The following ZNF385B variants were observed in gnomAD, a reference collection of about 807,000 sequenced individuals.
ZNF385B encodes zinc finger protein 385B.
ZNF385B carries 23 observed loss-of-function variants against 39.2 expected under a neutral mutation model. That is an observed-to-expected ratio of 0.59 (90% CI 0.42 to 0.83). ZNF385B has a LOEUF of 0.83. ZNF385B is among the 40% of genes least tolerant of loss of function. The pLI is 0.00. For synonymous variants in ZNF385B, 205 were observed against 222.6 expected (o/e 0.92, Z 0.70); for missense variants, 552 against 598.9 (o/e 0.92, Z 0.82).
chr2:179,795,497 C>T (rs1705603653), intron 1 of ZNF385B, among the ~76,000 whole-genome samples: 1 of 152,088 alleles, frequency 6.6e-6, no homozygotes, highest in South Asian at 2.1e-4. Flanking sequence ...CATTATAAAT[C>T]ATTTTTATAT....
chr2:179,487,419 T>C (rs889422073), intron 5 of ZNF385B, among the ~76,000 whole-genome samples: 3 of 152,250 alleles, frequency 2.0e-5, no homozygotes, highest in Non-Finnish European at 4.4e-5. Context: ...AGTGGCACTT[T>C]GCTATCCCTA....
intron 3 of ZNF385B, among the ~76,000 whole-genome samples, chr2:179,672,868 G>A (rs879403444): frequency 2.0e-5 from 3 of 152,128 alleles, no homozygotes; most frequent in Non-Finnish European, 2.9e-5. Context: ...TAGCCAAAAT[G>A]AACTAAGACA....
At chr2:179,785,680 G>A (rs1704954077) in intron 1 of ZNF385B, among the ~76,000 whole-genome samples, 2 of 152,116 alleles carry the variant, frequency 1.3e-5, no homozygotes, top group African/African-American at 4.8e-5. Context: ...AGTGGAGGCT[G>A]AAAATGTGAC....
chr2:179,521,495 C>T (rs921876329), intron 4 of ZNF385B, among the ~76,000 whole-genome samples: 7 of 151,684 alleles, frequency 4.6e-5, no homozygotes, highest in Non-Finnish European at 7.4e-5. Flanking sequence ...CCATTGTGCC[C>T]GGCCCCTAAT....
At chr2:179,734,169 C>T (rs1179542808) in intron 3 of ZNF385B, among the ~76,000 whole-genome samples, 1 of 151,946 alleles carries the variant, frequency 6.6e-6, no homozygotes, top group South Asian at 2.1e-4. Context: ...AGTATTTTTT[C>T]CTGTATTTTT....
chr2:179,732,749 T>G (rs1330866034), intron 3 of ZNF385B, among the ~76,000 whole-genome samples: 3 of 152,160 alleles, frequency 2.0e-5, no homozygotes, highest in Admixed American at 6.5e-5. Flanking sequence ...ACCCCAAAGG[T>G]AAGATCACCC....
chr2:179,797,169 A>G (rs1486998426), intron 1 of ZNF385B, among the ~76,000 whole-genome samples: 1 of 152,162 alleles, frequency 6.6e-6, no homozygotes, highest in African/African-American at 2.4e-5. Context: ...GTACACTTTT[A>G]TTTAAAATCT....
At chr2:179,578,667 T>C (rs868801528) in intron 3 of ZNF385B, among the ~76,000 whole-genome samples, 1 of 152,234 alleles carries the variant, frequency 6.6e-6, no homozygotes, top group South Asian at 2.1e-4. Context: ...ATCACTTCCA[T>C]CCATACCTAG....
At chr2:179,511,585 G>C (rs1346033940) in intron 5 of ZNF385B, among the ~76,000 whole-genome samples, 2 of 152,142 alleles carry the variant, frequency 1.3e-5, no homozygotes, top group African/African-American at 4.8e-5. Context: ...GGAATTGAGG[G>C]AGGTCATTGA....
At chr2:179,810,471 AT>A (rs1418620568) in intron 1 of ZNF385B, among the ~76,000 whole-genome samples, 1 of 151,790 alleles carries the variant, frequency 6.6e-6, no homozygotes, top group East Asian at 1.9e-4. Context: ...TGACACAAAT[AT>A]ATATACAAAA....
chr2:179,783,645 A>T (rs999072775), intron 1 of ZNF385B, among the ~76,000 whole-genome samples: 3 of 152,138 alleles, frequency 2.0e-5, no homozygotes, highest in African/African-American at 7.2e-5. Flanking sequence ...AGAGAAAAAC[A>T]ACTCCATTAA....
chr2:179,600,856 C>G (rs540835378), intron 3 of ZNF385B, among the ~76,000 whole-genome samples: 25 of 152,156 alleles, frequency 1.6e-4, no homozygotes, highest in Non-Finnish European at 2.1e-4. Flanking sequence ...TTATATTACT[C>G]TAGTAGAAAG....
At chr2:179,824,954 G>A (rs573171305) in intron 1 of ZNF385B, among the ~76,000 whole-genome samples, 51 of 152,036 alleles carry the variant, frequency 3.4e-4, no homozygotes, top group Middle Eastern at 3.4e-3. Flanking sequence ...TCAAATAAAA[G>A]TGAAGTTAAA....
chr2:179,615,289 G>GTAGAA (rs1689639754), intron 3 of ZNF385B, among the ~76,000 whole-genome samples: 1 of 152,192 alleles, frequency 6.6e-6, no homozygotes, highest in African/African-American at 2.4e-5. Flanking sequence ...GATAAGAAGA[G>GTAGAA]TTTCTACCAG....
At chr2:179,734,341 T>C (rs546524022) in intron 3 of ZNF385B, among the ~76,000 whole-genome samples, 2 of 152,334 alleles carry the variant, frequency 1.3e-5, no homozygotes, top group African/African-American at 4.8e-5. Flanking sequence ...CTTTTAAGTT[T>C]TAATAGTTAT....
intron 1 of ZNF385B, among the ~76,000 whole-genome samples, chr2:179,856,442 A>G (rs965806494): frequency 1.3e-5 from 2 of 152,102 alleles, no homozygotes; most frequent in African/African-American, 4.8e-5. Context: ...GTGATACAGG[A>G]GCCCAGAAAA....
chr2:179,685,195 T>C lies in ZNF385B; in HGVS notation c.298+84308A>G, dbSNP rs374898521. Among the ~76,000 whole-genome samples the C allele has an allele frequency of 3.3e-5, 5 of 152,350 alleles. No homozygotes were observed. The East Asian group carries it at 9.6e-4, about 29-fold the overall frequency. On this transcript the variant is annotated intron_variant, in intron 3 of 9. Coordinates refer to ENST00000410066, the MANE Select transcript of ZNF385B (RefSeq NM_152520.6). The stretch of plus-strand genomic sequence containing the variant: ...GTGGCTGAATTAAATTTTCTTCATT[T>C]AACAAGTATCACTTTTTTTCTTTCG...
chr2:179,469,548 C>T (rs1389900745), intron 6 of ZNF385B, among the ~76,000 whole-genome samples: 1 of 152,026 alleles, frequency 6.6e-6, no homozygotes, highest in Non-Finnish European at 1.5e-5. Flanking sequence ...ATCCCTGACC[C>T]AAAGGAAAAT....
chr2:179,754,669 T>C (rs1241473279), intron 3 of ZNF385B, among the ~76,000 whole-genome samples: 1 of 152,234 alleles, frequency 6.6e-6, no homozygotes, highest in Non-Finnish European at 1.5e-5. Context: ...GGAGGGTGTA[T>C]GTGTCCAGGA....
Sources: gnomAD v4.1 joint callset for allele counts (sites outside exome capture counted in the v4.1 genomes callset) on GRCh38, gnomAD v4.1.1 for gene constraint, MANE v1.5 for transcripts, NCBI Gene and HGNC (gene_info 2026-07-23, HGNC 2026-07-21) for gene names.